The following PRR11 variants were observed in gnomAD, a reference collection of about 807,000 sequenced individuals.
PRR11 encodes the protein proline rich 11, also known as proline-rich protein 11.
Under a neutral mutation model 45.6 loss-of-function variants are expected in PRR11, and 30 were observed. That is an observed-to-expected ratio of 0.66 (90% CI 0.49 to 0.89). PRR11 has a LOEUF of 0.89. PRR11 is among the 40% of genes least tolerant of loss of function. The probability of loss-of-function intolerance (pLI) is 0.00; values close to 1 mark genes in which losing one functional copy is unlikely to be tolerated. For synonymous variants in PRR11, 128 were observed against 153.5 expected (o/e 0.83, Z 1.23); for missense variants, 373 against 424.8 (o/e 0.88, Z 1.07).
chr17:59,201,413 C>T (rs2046891746), intron 9 of PRR11, 150 bp from the exon 10 acceptor site: 1 of 730,160 alleles, frequency 1.4e-6, no homozygotes, highest in Admixed American at 2.5e-5. Context: ...CCAGGAACTT[C>T]TGATTGCATC....
At chr17:59,166,266 A>G (rs1183448489) in intron 1 of PRR11, among the ~76,000 whole-genome samples, 1 of 152,226 alleles carries the variant, frequency 6.6e-6, no homozygotes, top group Non-Finnish European at 1.5e-5. Flanking sequence ...TTCCCATTCA[A>G]ATCTGAGTTT....
intron 2 of PRR11, chr17:59,179,905 A>G (rs2046771663): frequency 7.5e-7 from 1 of 1,325,602 alleles, no homozygotes; most frequent in Non-Finnish European, 1.1e-6. Context: ...AGGCCACTGT[A>G]TAATGCTTCT....
chr17:59,185,579 A>T lies in PRR11; in HGVS notation c.402+17A>T, dbSNP rs969468630. 33 of 1,579,986 alleles carry T rather than the reference A, an allele frequency of 2.1e-5. No individual in the cohort carries two copies. The highest frequency in any genetic ancestry group is 2.8e-5 in the Non-Finnish European group (33 of 1,165,482). ...GCACTGAAGGTTGGTATTGTCAAATAAAAAGCAAATCTGGAATTAGGTAAG... is the reference window on the plus strand; with the variant it reads ...GCACTGAAGGTTGGTATTGTCAAATTAAAAGCAAATCTGGAATTAGGTAAG... On this transcript the variant is annotated intron_variant, in intron 4 of 9. Coordinates refer to ENST00000262293, the MANE Select transcript of PRR11 (RefSeq NM_018304.4).
Position 59,204,675 on chromosome 17 carries a change from C to G in PRR11, c.*3044C>G. On this transcript the variant is annotated 3_prime_UTR_variant, in exon 10 of 10. Coordinates refer to ENST00000262293, the MANE Select transcript of PRR11 (RefSeq NM_018304.4). The stretch of plus-strand genomic sequence containing the variant: ...GAGCCAAGATCACACCACTCCACTC[C>G]AGTCTGGACAACAGAGTGAGACCCT... The G allele has an allele frequency of 6.6e-6, 1 of 150,412 alleles. No individual in the cohort carries two copies. Among genetic ancestry groups the G allele is most frequent in the South Asian group, 2.1e-4 (1 of 4,776 alleles). The allele number at this position is 150,412 out of a possible 1,614,324, so 9.3% of individuals were successfully genotyped here. A position where few individuals can be genotyped will look rare whatever the true frequency, so the allele number is the denominator to read the frequency against.
At chr17:59,174,143 C>T (rs2046728788) in intron 2 of PRR11, among the ~76,000 whole-genome samples, 2 of 152,302 alleles carry the variant, frequency 1.3e-5, no homozygotes, top group African/African-American at 4.8e-5. Context: ...CAAGGTCAGC[C>T]CCAGTGATCT....
chr17:59,184,478 G>A (rs1485777494), intron 2 of PRR11, among the ~76,000 whole-genome samples: 1 of 152,052 alleles, frequency 6.6e-6, no homozygotes, highest in Non-Finnish European at 1.5e-5. Context: ...AATAAACAAA[G>A]AACCTGTGAG....
intron 2 of PRR11, among the ~76,000 whole-genome samples, chr17:59,173,722 CACCAA>C (rs2046725565): frequency 6.6e-6 from 1 of 152,164 alleles, no homozygotes; most frequent in African/African-American, 2.4e-5. Flanking sequence ...ACCAAGAACC[CACCAA>C]TTCCAGACAC....
chr17:59,182,389 CTTTT>C (rs147890743), intron 2 of PRR11, among the ~76,000 whole-genome samples: 1 of 107,356 alleles, frequency 9.3e-6, no homozygotes, highest in Non-Finnish European at 1.8e-5. Context: ...TCTGACCCTT[CTTTT>C]TTTTTTTTTT....
In PRR11 at chr17:59,206,291, G is replaced by C. The variant is rs968997274; in HGVS notation, c.*4660G>C. 2.0e-5 allele frequency among the ~76,000 whole-genome samples: 3 copies of C among 152,030 alleles called. No individual in the cohort carries two copies. Among genetic ancestry groups the C allele is most frequent in the African/African-American group, 7.2e-5 (3 of 41,390 alleles). On this transcript the variant is annotated 3_prime_UTR_variant, in exon 10 of 10. Coordinates refer to ENST00000262293, the MANE Select transcript of PRR11 (RefSeq NM_018304.4). ...TGAGGTGGAAGAATCACTTGAGCCC[G>C]GGAGGTTGAGGCTGCAGTGAGCTGT... is the stretch of plus-strand genomic sequence containing the variant.
intron 3 of PRR11, 110 bp downstream of exon 3, chr17:59,185,314 T>A: frequency 6.6e-7 from 1 of 1,515,308 alleles, no homozygotes; most frequent in Non-Finnish European, 8.9e-7. Flanking sequence ...TTAGATAAGA[T>A]GAAATTATTG....
Position 59,157,909 on chromosome 17 carries a change from G to A in PRR11, c.-6+2104G>A, listed in dbSNP as rs1437380915. 1.3e-5 allele frequency among the ~76,000 whole-genome samples: 2 copies of A among 152,256 alleles called. 1 individual carries two copies. The highest frequency in any genetic ancestry group is 2.9e-5 in the Non-Finnish European group (2 of 68,000). ...AAGGAAAGGCTGATAGAAAGAAACA[G>A]AAAGTATTTGGTGTTTAGTATACCT... On this transcript the variant is annotated intron_variant, in intron 1 of 9. Coordinates refer to ENST00000262293, the MANE Select transcript of PRR11 (RefSeq NM_018304.4).
intron 1 of PRR11, among the ~76,000 whole-genome samples, chr17:59,156,051 T>C (rs929363815): frequency 5.3e-5 from 8 of 152,318 alleles, no homozygotes; most frequent in African/African-American, 1.7e-4. Context: ...TCTGCCTTCC[T>C]TTTGAACATT....
At chr17:59,162,168 T>C in intron 1 of PRR11, among the ~76,000 whole-genome samples, 1 of 151,920 alleles carries the variant, frequency 6.6e-6, no homozygotes, top group Non-Finnish European at 1.5e-5. Context: ...AATTACTGTA[T>C]TTAATTAGAA....
At chr17:59,193,790 T>G (rs2046851322) in intron 5 of PRR11, 56 bp downstream of exon 5, 1 of 1,567,308 alleles carries the variant, frequency 6.4e-7, no homozygotes, top group Non-Finnish European at 8.7e-7. Flanking sequence ...GTGTGTAATA[T>G]AGGAGTAAAG....
intron 2 of PRR11, among the ~76,000 whole-genome samples, chr17:59,181,050 C>T (rs2046782650): frequency 6.6e-6 from 1 of 151,050 alleles, no homozygotes; most frequent in East Asian, 2.0e-4. Context: ...AGTGTAGTGG[C>T]GCGATCTCAG....
chr17:59,165,706 C>T lies in PRR11; in HGVS notation c.-5-4042C>T, dbSNP rs926055900. On this transcript the variant is annotated intron_variant, in intron 1 of 9. Transcript: ENST00000262293. ...ACTCAGGAGGCTGAGGCAGGAGAAT[C>T]GCTTGAACCTGGGAGGCAGAGGTTG... 3.9e-5 allele frequency among the ~76,000 whole-genome samples: 6 copies of T among 152,004 alleles called. 1 individual carries two copies. The East Asian group carries it at 5.9e-4, about 15-fold the overall frequency.
intron 1 of PRR11, among the ~76,000 whole-genome samples, chr17:59,157,976 G>A (rs1409864996): frequency 6.6e-6 from 1 of 152,186 alleles, no homozygotes; most frequent in African/African-American, 2.4e-5. Context: ...CTATGGCAAA[G>A]GGCCATTAGA....
intron 1 of PRR11, among the ~76,000 whole-genome samples, chr17:59,167,299 G>A (rs988740293): frequency 2.6e-5 from 4 of 152,152 alleles, no homozygotes; most frequent in African/African-American, 9.7e-5. Context: ...TCATTTATTT[G>A]TGTTAGTAAA....
chr17:59,171,989 A>C (rs2046711502), intron 2 of PRR11, among the ~76,000 whole-genome samples: 1 of 152,198 alleles, frequency 6.6e-6, no homozygotes, highest in South Asian at 2.1e-4. Context: ...TCATGAAAAA[A>C]TCTACAGGAA....
Sources: allele counts gnomAD v4.1 joint callset (sites outside exome capture counted in the v4.1 genomes callset), GRCh38; gene constraint gnomAD v4.1.1; transcripts MANE v1.5; gene names NCBI Gene and HGNC (gene_info 2026-07-23, HGNC 2026-07-21).